PGBD5: variants seen among roughly 807,000 people sequenced by gnomAD.
PGBD5 encodes piggyBac transposable element-derived protein 5.
In PGBD5, 14 loss-of-function variants were observed where a neutral mutation model predicts 47.9. The ratio of observed to expected loss-of-function variants is 0.29; its 90% confidence interval spans 0.19 to 0.46. PGBD5 has a LOEUF of 0.46. PGBD5 is among the 20% of genes least tolerant of loss of function. The pLI, the probability that PGBD5 is intolerant of heterozygous loss-of-function variation, is 1.00. For synonymous variants in PGBD5, 316 were observed against 306.3 expected (o/e 1.03, Z -0.33); for missense variants, 635 against 716.0 (o/e 0.89, Z 1.29).
At chr1:230,347,510 A>T (rs1322963282) in intron 3 of PGBD5, among the ~76,000 whole-genome samples, 1 of 98,190 alleles carries the variant, frequency 1.0e-5, no homozygotes, top group Admixed American at 1.2e-4. Context: ...ATGGATTTTC[A>T]CTCTTGTTGC....
chr1:230,389,465 G>A (rs990015928), intron 1 of PGBD5, among the ~76,000 whole-genome samples: 6 of 152,170 alleles, frequency 3.9e-5, no homozygotes, highest in Non-Finnish European at 7.3e-5. Context: ...GAGCCACCAC[G>A]CCCAGCTGAC....
At chr1:230,354,844 G>A (rs1667610109) in intron 2 of PGBD5, among the ~76,000 whole-genome samples, 1 of 152,076 alleles carries the variant, frequency 6.6e-6, no homozygotes, top group African/African-American at 2.4e-5. Context: ...AGTAGAAAAC[G>A]TAGCAAGAAG....
intron 3 of PGBD5, 34 bp downstream of exon 3, chr1:230,350,924 C>T (rs758952900): frequency 2.5e-6 from 4 of 1,607,596 alleles, no homozygotes; most frequent in Non-Finnish European, 3.4e-6. Flanking sequence ...CGACCCTCTT[C>T]ACCGACCCTC....
At chr1:230,354,950 G>A (rs1667612432) in intron 2 of PGBD5, among the ~76,000 whole-genome samples, 1 of 152,206 alleles carries the variant, frequency 6.6e-6, no homozygotes, top group Non-Finnish European at 1.5e-5. Flanking sequence ...AGGAAGAGGT[G>A]GAAAAGTGAA....
At chr1:230,361,206 G>A (rs2102709236) in intron 1 of PGBD5, among the ~76,000 whole-genome samples, 1 of 152,304 alleles carries the variant, frequency 6.6e-6, no homozygotes, top group Middle Eastern at 3.4e-3. Flanking sequence ...CTCATGTGTT[G>A]CGGGGGATAA....
At chr1:230,338,637 A>T (rs1667364105) in intron 3 of PGBD5, among the ~76,000 whole-genome samples, 1 of 152,148 alleles carries the variant, frequency 6.6e-6, no homozygotes, top group African/African-American at 2.4e-5. Flanking sequence ...CGTCTCTATT[A>T]AAAATGCAAA....
chr1:230,399,678 G>C lies in PGBD5; in HGVS notation c.331+25920C>G, dbSNP rs548998920. ...GTGACCATAGGAATGTGCAGTGGGAGTAGGGTCAAGTGGCTGAAGGACCCC... is the reference window on the plus strand; with the variant it reads ...GTGACCATAGGAATGTGCAGTGGGACTAGGGTCAAGTGGCTGAAGGACCCC... On this transcript the variant is annotated intron_variant, in intron 1 of 6. Transcript: ENST00000391860. Among the ~76,000 whole-genome samples the C allele has an allele frequency of 1.2e-4, 19 of 152,314 alleles. No homozygotes were observed. In the Middle Eastern group the frequency reaches 0.014, roughly 109 times the overall value.
At position 230,337,420 on chromosome 1, in the gene PGBD5, T is replaced by C; in HGVS notation, c.895-132A>G. On this transcript the variant is annotated intron_variant, in intron 3 of 6. Coordinates refer to ENST00000391860, the MANE Select transcript of PGBD5 (RefSeq NM_001258311.2). ...GCCCATGGAAAAGCCCCCATCATCT[T>C]TTCAGCTCACAGGGACTCTAGGTCA... 5 of 947,556 alleles carry C rather than the reference T, an allele frequency of 5.3e-6. No individual in the cohort carries two copies. The South Asian group carries it at 7.2e-5, about 14-fold the overall frequency. The allele number at this position is 947,556 out of a possible 1,614,324, so 58.7% of individuals were successfully genotyped here. A position where few individuals can be genotyped will look rare whatever the true frequency, so the allele number is the denominator to read the frequency against.
chr1:230,373,437 G>T lies in PGBD5; in HGVS notation c.332-16116C>A, dbSNP rs78985951. On this transcript the variant is annotated intron_variant, in intron 1 of 6. Coordinates refer to ENST00000391860, the MANE Select transcript of PGBD5 (RefSeq NM_001258311.2). ...GTGACTGCTGAGCGATAACTGCCAT[G>T]GGTGAGGGGGACGAGGGTGCCAAGG... 3.8e-3 allele frequency among the ~76,000 whole-genome samples: 583 copies of T among 152,314 alleles called. 4 individuals carry two copies. Among genetic ancestry groups the T allele is most frequent in the African/African-American group, 0.014 (564 of 41,562 alleles).
chr1:230,365,869 C>T (rs1414647998), intron 1 of PGBD5, among the ~76,000 whole-genome samples: 2 of 152,218 alleles, frequency 1.3e-5, no homozygotes, highest in African/African-American at 4.8e-5. Context: ...GAGATCAGGT[C>T]ATGTATGTTT....
At chr1:230,402,143 CA>C (rs1657152889) in intron 1 of PGBD5, among the ~76,000 whole-genome samples, 1 of 152,166 alleles carries the variant, frequency 6.6e-6, no homozygotes, top group Non-Finnish European at 1.5e-5. Flanking sequence ...ATGAACATGC[CA>C]AGCATTACTA....
At chr1:230,389,380 C>T (rs12040510) in intron 1 of PGBD5, among the ~76,000 whole-genome samples, 37,749 of 151,988 alleles carry the variant, frequency 0.25, 5,702 homozygotes, top group Non-Finnish European at 0.34. Context: ...ACCATGTTGG[C>T]CAGTCTGGTC....
At chr1:230,364,207 C>T (rs549534452) in intron 1 of PGBD5, among the ~76,000 whole-genome samples, 25 of 152,330 alleles carry the variant, frequency 1.6e-4, no homozygotes, top group African/African-American at 5.3e-4. Flanking sequence ...GGGGTTGAGT[C>T]CTGGCTCACT....
intron 1 of PGBD5, among the ~76,000 whole-genome samples, chr1:230,369,998 G>A (rs76156627): frequency 0.031 from 4,726 of 152,318 alleles, 96 homozygotes; most frequent in East Asian, 0.079. Flanking sequence ...CCGCCCAGGG[G>A]CAAATAAGTG....
rs1392028832 is a variant in PGBD5 at position 230,337,207 on chromosome 1, C to A, written c.976G>T (p.Ala326Ser). The A allele has an allele frequency of 6.2e-7, 1 of 1,614,210 alleles. No homozygotes were observed. The highest frequency in any genetic ancestry group is 8.5e-7 in the Non-Finnish European group (1 of 1,180,050). ...KNKPQLHSMV[A>S]RSLCRNAAGK... Reference sequence around the variant, plus strand: ...GCCGCGTTCCGGCACAGGCTCCTGGCCACCATGCTGTGGAGCTGGGGCTTA... The same window carrying A: ...GCCGCGTTCCGGCACAGGCTCCTGGACACCATGCTGTGGAGCTGGGGCTTA... Residue 326 changes from alanine (A) to serine (S), a missense_variant, in exon 4 of 7, where the codon GCC becomes TCC. Coordinates refer to ENST00000391860, the MANE Select transcript of PGBD5 (RefSeq NM_001258311.2).
rs1666966974 is a variant in PGBD5 at position 230,317,454 on chromosome 1, G to A, written c.*5971C>T. 1 of 152,224 alleles carries A rather than the reference G, an allele frequency of 6.6e-6. No homozygotes were observed. Among genetic ancestry groups the A allele is most frequent in the Non-Finnish European group, 1.5e-5 (1 of 68,034 alleles). 9.4% of individuals were successfully genotyped at this position (152,224 alleles called of 1,614,324 possible). ...ACCATACAGGGAGACGTGACCTGCT[G>A]GAACAGAAATGCTCCATGTGCATTA... On this transcript the variant is annotated 3_prime_UTR_variant, in exon 7 of 7. Coordinates refer to ENST00000391860, the MANE Select transcript of PGBD5 (RefSeq NM_001258311.2).
At position 230,324,365 on chromosome 1, in the gene PGBD5, T is replaced by C. The variant is rs1000389748; in HGVS notation, c.1380-745A>G. ...TAGAACACAGCAAGGTGCCAGTACA[T>C]AGTAGGTGCTCAGTGAACTGAATGC... is the stretch of plus-strand genomic sequence containing the variant. On this transcript the variant is annotated intron_variant, in intron 6 of 6. Coordinates refer to ENST00000391860, the MANE Select transcript of PGBD5 (RefSeq NM_001258311.2). 2.6e-5 allele frequency among the ~76,000 whole-genome samples: 4 copies of C among 152,162 alleles called. No individual in the cohort carries two copies. The East Asian group carries it at 7.7e-4, about 29-fold the overall frequency.
intron 1 of PGBD5, chr1:230,368,023 C>T (rs1458308254): frequency 1.5e-6 from 2 of 1,367,852 alleles, no homozygotes; most frequent in Admixed American, 1.9e-5. Context: ...CACACCACAC[C>T]CCACATAGGC....
intron 2 of PGBD5, among the ~76,000 whole-genome samples, chr1:230,351,602 AAAG>A (rs1667561662): frequency 6.6e-6 from 1 of 152,216 alleles, no homozygotes; most frequent in Non-Finnish European, 1.5e-5. Flanking sequence ...AGTGAGAAAC[AAAG>A]AAAAAAAATG....
Sources: gnomAD v4.1 joint callset for allele counts (sites outside exome capture counted in the v4.1 genomes callset) on GRCh38, gnomAD v4.1.1 for gene constraint, MANE v1.5 for transcripts, NCBI Gene and HGNC (gene_info 2026-07-23, HGNC 2026-07-21) for gene names.